Variants in KIAA0319L observed in about 807,000 individuals in gnomAD.
The protein encoded by KIAA0319L is KIAA0319 like, also known as dyslexia-associated protein KIAA0319-like protein.
KIAA0319L carries 55 observed loss-of-function variants against 120.1 expected under a neutral mutation model. The observed-to-expected ratio is 0.46, with a 90% confidence interval of 0.37 to 0.57. The LOEUF is 0.57. Among genes scored for constraint, KIAA0319L ranks in the 20% least tolerant of loss-of-function variants. KIAA0319L has a pLI of 0.00. For synonymous variants in KIAA0319L, 398 were observed against 471.9 expected (o/e 0.84, Z 2.03); for missense variants, 1,049 against 1,255.3 (o/e 0.84, Z 2.48).
chr1:35,456,605 A>G (rs1390147663), intron 9 of KIAA0319L, among the ~76,000 whole-genome samples: 2 of 152,064 alleles, frequency 1.3e-5, no homozygotes, highest in Admixed American at 1.3e-4. Flanking sequence ...TGAGGTTGGA[A>G]GTTTGAGACC....
intron 5 of KIAA0319L, among the ~76,000 whole-genome samples, chr1:35,473,099 T>TC (rs1289701705): frequency 7.4e-6 from 1 of 135,472 alleles, no homozygotes; most frequent in African/African-American, 2.8e-5. Flanking sequence ...TTTTTTTTTT[T>TC]TTTTCTTTTT....
Position 35,454,271 on chromosome 1 carries a change from C to T in KIAA0319L, c.1780+91G>A, listed in dbSNP as rs947188445. ...TATGGATCGGTGCCTTCTGCTTCTA[C>T]CCTCATACAGCTCAGAACCCAACAC... On this transcript the variant is annotated intron_variant, in intron 11 of 20. Transcript: ENST00000325722. 7.1e-6 allele frequency: 10 copies of T among 1,401,446 alleles called. No individual in the cohort carries two copies. In the East Asian group the frequency reaches 2.1e-4, roughly 29 times the overall value. The allele number at this position is 1,401,446 out of a possible 1,614,324, so 86.8% of individuals were successfully genotyped here.
chr1:35,463,860 G>A (rs984656915), intron 7 of KIAA0319L, among the ~76,000 whole-genome samples: 2 of 152,114 alleles, frequency 1.3e-5, no homozygotes, highest in Admixed American at 6.5e-5. Context: ...TTCCTGTGCT[G>A]TTCTCATGAT....
Position 35,474,835 on chromosome 1 carries a change from T to C in KIAA0319L, c.985A>G (p.Asn329Asp). 1 of 1,608,826 alleles carries C rather than the reference T, an allele frequency of 6.2e-7. No homozygotes were observed. Among genetic ancestry groups the C allele is most frequent in the Non-Finnish European group, 8.5e-7 (1 of 1,175,448 alleles). Residue 329 changes from asparagine to aspartate, a missense_variant, in exon 5 of 21, where the codon AAT (asparagine) becomes GAT (aspartate). Coordinates refer to ENST00000325722, the MANE Select transcript of KIAA0319L (RefSeq NM_024874.5). Reference protein sequence around the residue: ...ITLPKNEVQLNAYVLQEPPKG... With the variant: ...ITLPKNEVQLDAYVLQEPPKG... Reference sequence around the variant, plus strand: ...GGTGGTTCTTGGAGAACATATGCATTTAATTGAACTTCATTCTTAGGCAGG... The same window carrying C: ...GGTGGTTCTTGGAGAACATATGCATCTAATTGAACTTCATTCTTAGGCAGG...
rs1642424560 is a variant in KIAA0319L at position 35,456,028 on chromosome 1, T to C, written c.1641A>G (p.Lys547=). ...EWSLSPSSKG[K]VVEMQGVRTP... Reference sequence around the variant, plus strand: ...TCCCTCCTACCTGCATCTCCACCACTTTCCCTTTGCTGCTTGGGCTGAGTG... The same window carrying C: ...TCCCTCCTACCTGCATCTCCACCACCTTCCCTTTGCTGCTTGGGCTGAGTG... The change falls in exon 10 of 21, where the codon AAA becomes AAG. Residue 547 remains lysine (K), a synonymous_variant. Transcript: ENST00000325722. 1 of 1,612,802 alleles carries C rather than the reference T, an allele frequency of 6.2e-7. No individual in the cohort carries two copies. The highest frequency in any genetic ancestry group is 1.1e-5 in the South Asian group (1 of 90,954).
At chr1:35,450,544 T>G (rs754514436) in intron 13 of KIAA0319L, 35 bp from the exon 14 acceptor site, 26 of 1,571,606 alleles carry the variant, frequency 1.7e-5, no homozygotes, top group Middle Eastern at 1.7e-4. Context: ...TAATGTGACA[T>G]TCTGGAAAAG....
chr1:35,553,202 G>A (rs540250490), intron 2 of KIAA0319L, among the ~76,000 whole-genome samples: 215 of 152,174 alleles, frequency 1.4e-3, no homozygotes, highest in African/African-American at 5.0e-3. Flanking sequence ...TCGCACTCCA[G>A]CCTGGGTGAC....
At chr1:35,461,243 G>C (rs2149107171) in intron 8 of KIAA0319L, among the ~76,000 whole-genome samples, 1 of 152,242 alleles carries the variant, frequency 6.6e-6, no homozygotes, top group African/African-American at 2.4e-5. Flanking sequence ...GAGGTGGGCG[G>C]ATCCCCTGAG....
In KIAA0319L at chr1:35,487,033, T is replaced by A. The variant is rs376771002; in HGVS notation, c.667-7821A>T. 5.3e-4 allele frequency among the ~76,000 whole-genome samples: 80 copies of A among 152,336 alleles called. 1 individual carries two copies. The highest frequency in any genetic ancestry group is 1.9e-3 in the African/African-American group (78 of 41,580). ...GAGCCACCTTCTATTGACTGCCTTT[T>A]TTTCCCTGCGTATGGATCACCCTTT... On this transcript the variant is annotated intron_variant, in intron 3 of 20. Coordinates refer to ENST00000325722, the MANE Select transcript of KIAA0319L (RefSeq NM_024874.5).
chr1:35,462,870 G>C (rs901993853), intron 7 of KIAA0319L, among the ~76,000 whole-genome samples, 157 bp from the exon 8 acceptor site: 2 of 152,132 alleles, frequency 1.3e-5, no homozygotes, highest in African/African-American at 4.8e-5. Flanking sequence ...ATTTTTCCAT[G>C]AACGGGTGGT....
chr1:35,507,500 G>A (rs1221942153), intron 2 of KIAA0319L, among the ~76,000 whole-genome samples: 1 of 152,198 alleles, frequency 6.6e-6, no homozygotes, highest in Admixed American at 6.5e-5. Flanking sequence ...GAGGAAGAGG[G>A]CAGAGTCCCA....
chr1:35,488,839 G>A (rs1191668275), intron 3 of KIAA0319L, among the ~76,000 whole-genome samples: 1 of 152,186 alleles, frequency 6.6e-6, no homozygotes, highest in Non-Finnish European at 1.5e-5. Context: ...AGTCACTGGT[G>A]ACCCTGGCAA....
intron 2 of KIAA0319L, among the ~76,000 whole-genome samples, chr1:35,544,368 C>CAAAAAAA (rs748228266): frequency 1.9e-5 from 1 of 53,204 alleles, no homozygotes. Flanking sequence ...GACTCAATCT[C>CAAAAAAA]AAAAAAAAAA....
chr1:35,535,715 C>T (rs935816125), intron 2 of KIAA0319L, among the ~76,000 whole-genome samples: 1 of 152,108 alleles, frequency 6.6e-6, no homozygotes, highest in Non-Finnish European at 1.5e-5. Flanking sequence ...GCTCGGCCAC[C>T]ACTTTTTCCA....
rs568592795 is a variant in KIAA0319L at position 35,454,287 on chromosome 1, A to G, written c.1780+75T>C. ...CTGCTTCTACCCTCATACAGCTCAG[A>G]ACCCAACACTCTTTTCCCCCAAGGT... On this transcript the variant is annotated intron_variant, in intron 11 of 20. Transcript: ENST00000325722. 7.8e-6 allele frequency: 12 copies of G among 1,543,854 alleles called. No individual in the cohort carries two copies. In the South Asian group the frequency reaches 1.4e-4, roughly 18 times the overall value.
chr1:35,528,016 A>T (rs921709371), intron 2 of KIAA0319L, among the ~76,000 whole-genome samples: 1 of 151,890 alleles, frequency 6.6e-6, no homozygotes, highest in East Asian at 1.9e-4. Context: ...TATTGCTCTA[A>T]ACTTCCCTCT....
intron 2 of KIAA0319L, among the ~76,000 whole-genome samples, chr1:35,534,690 T>C (rs765166186): frequency 1.3e-5 from 2 of 151,068 alleles, no homozygotes; most frequent in Non-Finnish European, 2.9e-5. Flanking sequence ...AAACCCCATC[T>C]CTACTAAAAA....
intron 3 of KIAA0319L, among the ~76,000 whole-genome samples, chr1:35,481,814 C>CTTTTTTTTT (rs747721221): frequency 8.2e-5 from 4 of 48,964 alleles, no homozygotes; most frequent in African/African-American, 2.4e-4. Flanking sequence ...TCTGCTGTTT[C>CTTTTTTTTT]TTTTTTTTTT....
chr1:35,551,356 T>G (rs1647191279), intron 2 of KIAA0319L, among the ~76,000 whole-genome samples: 1 of 152,326 alleles, frequency 6.6e-6, no homozygotes, highest in South Asian at 2.1e-4. Context: ...CTCGCTCTGT[T>G]GGCCAGGCTG....
Sources: gnomAD v4.1 joint callset for allele counts (sites outside exome capture counted in the v4.1 genomes callset) on GRCh38, gnomAD v4.1.1 for gene constraint, MANE v1.5 for transcripts, NCBI Gene and HGNC (gene_info 2026-07-23, HGNC 2026-07-21) for gene names.